The following ALG5 variants were observed in gnomAD, a reference collection of about 807,000 sequenced individuals.
ALG5 encodes the protein ALG5 dolichyl-phosphate beta-glucosyltransferase.
Under a neutral mutation model 51.8 loss-of-function variants are expected in ALG5, and 26 were observed. The ratio of observed to expected loss-of-function variants is 0.50; its 90% CI spans 0.37 to 0.70. ALG5 has a LOEUF of 0.70. ALG5 is among the 30% of genes least tolerant of loss of function. The probability of loss-of-function intolerance (pLI) is 0.00; values close to 1 mark genes in which losing one functional copy is unlikely to be tolerated. For missense variants in ALG5, 311 were observed against 399.3 expected (o/e 0.78, Z 1.88); for synonymous variants, 141 against 136.1 (o/e 1.04, Z -0.25).
chr13:36,949,829 C>T lies in ALG5; in HGVS notation c.*113G>A. On this transcript the variant is annotated 3_prime_UTR_variant, in exon 10 of 10. Coordinates refer to ENST00000239891, the MANE Select transcript of ALG5 (RefSeq NM_013338.5). ...TGGAAAGTTATTTCTTTAAAATTAT[C>T]AAAAGGCAGACAATGACAAGAAGTT... 1.9e-6 allele frequency: 1 copy of T among 527,056 alleles called. No individual in the cohort carries two copies. Among genetic ancestry groups the T allele is most frequent in the East Asian group, 3.2e-5 (1 of 30,998 alleles). The allele number at this position is 527,056 out of a possible 1,614,324, so 32.6% of individuals were successfully genotyped here. A position where few individuals can be genotyped will look rare whatever the true frequency, so the allele number is the denominator to read the frequency against.
chr13:36,964,857 G>A (rs1045998983), intron 8 of ALG5, among the ~76,000 whole-genome samples: 2 of 151,698 alleles, frequency 1.3e-5, no homozygotes, highest in Non-Finnish European at 2.9e-5. Flanking sequence ...CGCGGGAGGC[G>A]GAGGTTGCAG....
intron 8 of ALG5, among the ~76,000 whole-genome samples, chr13:36,958,842 A>C (rs949886543): frequency 6.6e-6 from 1 of 152,166 alleles, no homozygotes; most frequent in Admixed American, 6.5e-5. Flanking sequence ...GTCAAATCAT[A>C]TATCGCCTGA....
At chr13:36,990,056 C>T (rs984175666) in intron 4 of ALG5, among the ~76,000 whole-genome samples, 3 of 152,250 alleles carry the variant, frequency 2.0e-5, no homozygotes, top group Non-Finnish European at 4.4e-5. Context: ...CACTCAAATT[C>T]CTCTCTCTCA....
intron 8 of ALG5, among the ~76,000 whole-genome samples, chr13:36,954,001 A>C (rs1262877069): frequency 6.6e-6 from 1 of 152,130 alleles, no homozygotes; most frequent in African/African-American, 2.4e-5. Flanking sequence ...CTAGTGACTT[A>C]TCAAATACAC....
chr13:36,950,198 T>C, intron 9 of ALG5, 141 bp from the exon 10 acceptor site: 1 of 540,098 alleles, frequency 1.9e-6, no homozygotes, highest in Non-Finnish European at 3.2e-6. Flanking sequence ...GTTAAACAAT[T>C]TCAAAGCTGA....
intron 6 of ALG5, among the ~76,000 whole-genome samples, chr13:36,972,620 T>C (rs2058929589): frequency 6.6e-6 from 1 of 152,204 alleles, no homozygotes; most frequent in African/African-American, 2.4e-5. Context: ...ATGTAAATGC[T>C]AACAAGGAAA....
At chr13:36,993,862 G>T (rs1257438744) in intron 3 of ALG5, among the ~76,000 whole-genome samples, 190 bp from the exon 4 acceptor site, 2 of 152,218 alleles carry the variant, frequency 1.3e-5, no homozygotes, top group Admixed American at 1.3e-4. Flanking sequence ...CTGGGTAGAG[G>T]TGGAGAGTGA....
At chr13:36,999,161 G>T (rs2059070731) in intron 1 of ALG5, 74 bp downstream of exon 1, 3 of 1,355,978 alleles carry the variant, frequency 2.2e-6, no homozygotes, top group South Asian at 3.2e-5. Flanking sequence ...GCGGAGGAGG[G>T]GACGCCTGAG....
chr13:36,970,438 A>G (rs2058916983), intron 7 of ALG5, among the ~76,000 whole-genome samples: 1 of 151,940 alleles, frequency 6.6e-6, no homozygotes, highest in African/African-American at 2.4e-5. Flanking sequence ...TGCCTCTACT[A>G]AAAATACAAA....
chr13:36,965,904 C>T (rs982277409), intron 7 of ALG5, among the ~76,000 whole-genome samples, 178 bp from the exon 8 acceptor site: 1 of 152,134 alleles, frequency 6.6e-6, no homozygotes, highest in African/African-American at 2.4e-5. Context: ...GCAAGAATGC[C>T]TACTGCTTGG....
At chr13:36,988,685 C>T (rs1373713487) in intron 5 of ALG5, among the ~76,000 whole-genome samples, 3 of 152,004 alleles carry the variant, frequency 2.0e-5, no homozygotes, top group Non-Finnish European at 2.9e-5. Flanking sequence ...AAGAGGGCAA[C>T]ATGTGATGAT....
chr13:36,978,013 A>G (rs1352997541), intron 6 of ALG5, among the ~76,000 whole-genome samples: 1 of 149,644 alleles, frequency 6.7e-6, no homozygotes, highest in Admixed American at 6.7e-5. Context: ...CAGCCTCCCG[A>G]GTAGCTGCGA....
intron 4 of ALG5, 125 bp from the exon 5 acceptor site, chr13:36,989,701 C>T (rs1020491856): frequency 7.4e-6 from 5 of 674,102 alleles, no homozygotes; most frequent in Admixed American, 5.4e-5. Flanking sequence ...CTAGGTTACA[C>T]CCACTGTACA....
At chr13:36,998,889 G>T in intron 1 of ALG5, 1 of 229,984 alleles carries the variant, frequency 4.3e-6, no homozygotes, top group Middle Eastern at 1.3e-3. Flanking sequence ...TGCAGGTCCC[G>T]GAGAGTCTGG....
intron 7 of ALG5, among the ~76,000 whole-genome samples, chr13:36,971,452 G>C (rs1017501652): frequency 3.3e-5 from 5 of 151,970 alleles, no homozygotes; most frequent in African/African-American, 1.2e-4. Flanking sequence ...TTCAAGACCA[G>C]GCTGGGCAAC....
chr13:36,986,079 G>A (rs1462815569), intron 5 of ALG5, among the ~76,000 whole-genome samples: 5 of 152,072 alleles, frequency 3.3e-5, no homozygotes, highest in South Asian at 2.1e-4. Context: ...TATGTTTATC[G>A]TGTCATGATG....
intron 6 of ALG5, among the ~76,000 whole-genome samples, chr13:36,972,792 A>T (rs1389218318): frequency 6.6e-6 from 1 of 152,108 alleles, no homozygotes; most frequent in East Asian, 1.9e-4. Flanking sequence ...GGAGATCGAG[A>T]TCATCCTGGC....
intron 8 of ALG5, among the ~76,000 whole-genome samples, chr13:36,965,354 A>G (rs2058888311): frequency 6.6e-6 from 1 of 152,234 alleles, no homozygotes; most frequent in South Asian, 2.1e-4. Context: ...GTCTACAATT[A>G]AGGTGAACAC....
intron 5 of ALG5, among the ~76,000 whole-genome samples, chr13:36,988,163 G>A (rs1001785458): frequency 7.2e-5 from 11 of 152,070 alleles, no homozygotes; most frequent in African/African-American, 2.7e-4. Context: ...TCAAAAGATG[G>A]TGGCACCAAC....
Sources: gnomAD v4.1 joint callset for allele counts (sites outside exome capture counted in the v4.1 genomes callset) on GRCh38, gnomAD v4.1.1 for gene constraint, MANE v1.5 for transcripts, NCBI Gene and HGNC (gene_info 2026-07-23, HGNC 2026-07-21) for gene names.